PTPRK: variants seen among roughly 807,000 people sequenced by gnomAD.
PTPRK encodes receptor-type tyrosine-protein phosphatase kappa.
In PTPRK, 75 loss-of-function variants were observed where a neutral mutation model predicts 178.0. The ratio of observed to expected loss-of-function variants is 0.42; its 90% CI spans 0.35 to 0.51. PTPRK has a LOEUF of 0.51. Among genes scored for constraint, PTPRK ranks in the 20% least tolerant of loss-of-function variants. The pLI is 0.02. For missense variants in PTPRK, 1,441 were observed against 1,797.8 expected, an observed-to-expected ratio of 0.80 and a Z score of 3.59; for synonymous variants, 637 against 620.6, an observed-to-expected ratio of 1.03 and a Z score of -0.39.
chr6:128,441,748 T>C (rs961330681), intron 1 of PTPRK, among the ~76,000 whole-genome samples: 11 of 152,206 alleles, frequency 7.2e-5, no homozygotes, highest in Non-Finnish European at 1.2e-4. Context: ...TAAGACGATA[T>C]ATACAGAATG....
intron 25 of PTPRK, among the ~76,000 whole-genome samples, chr6:127,980,357 G>A (rs1775167373): frequency 6.6e-6 from 1 of 152,016 alleles, no homozygotes; most frequent in South Asian, 2.1e-4. Flanking sequence ...GGGTGTGGTA[G>A]AGCACGCTCC....
chr6:128,315,384 G>A (rs1007029611), intron 3 of PTPRK, among the ~76,000 whole-genome samples: 3 of 152,062 alleles, frequency 2.0e-5, no homozygotes, highest in African/African-American at 7.2e-5. Flanking sequence ...GGGCTGAGAA[G>A]AATGATTTTT....
chr6:128,463,270 T>G (rs548235981), intron 1 of PTPRK, among the ~76,000 whole-genome samples: 2 of 152,186 alleles, frequency 1.3e-5, no homozygotes, highest in African/African-American at 4.8e-5. Flanking sequence ...GTTTGTCCTA[T>G]ATTCTCTCTG....
chr6:128,341,733 AG>A (rs1409481436), intron 2 of PTPRK, among the ~76,000 whole-genome samples: 1 of 152,204 alleles, frequency 6.6e-6, no homozygotes, highest in Non-Finnish European at 1.5e-5. Context: ...TTCCTTTTCA[AG>A]TTGATTACCA....
At chr6:128,072,607 T>C (rs1403813439) in intron 11 of PTPRK, among the ~76,000 whole-genome samples, 1 of 152,056 alleles carries the variant, frequency 6.6e-6, no homozygotes, top group Non-Finnish European at 1.5e-5. Flanking sequence ...ATTACCACAT[T>C]CCTTACCTTA....
At chr6:128,481,211 C>T (rs1852027390) in intron 1 of PTPRK, among the ~76,000 whole-genome samples, 1 of 151,778 alleles carries the variant, frequency 6.6e-6, no homozygotes, top group African/African-American at 2.4e-5. Flanking sequence ...TTCATTCATA[C>T]ATAGTCTTTA....
intron 5 of PTPRK, among the ~76,000 whole-genome samples, chr6:128,228,796 T>C (rs1811831076): frequency 6.6e-6 from 1 of 152,152 alleles, no homozygotes; most frequent in South Asian, 2.1e-4. Context: ...GTGATACATA[T>C]TCTGGTAAGA....
At chr6:128,107,414 T>C (rs983681338) in intron 7 of PTPRK, among the ~76,000 whole-genome samples, 11 of 152,126 alleles carry the variant, frequency 7.2e-5, no homozygotes, top group Non-Finnish European at 1.6e-4. Flanking sequence ...GCATAATGTA[T>C]ACCAGGAATA....
At chr6:128,465,721 C>T (rs147634827) in intron 1 of PTPRK, among the ~76,000 whole-genome samples, 3 of 152,236 alleles carry the variant, frequency 2.0e-5, no homozygotes, top group African/African-American at 7.2e-5. Flanking sequence ...GAATGACAAG[C>T]TCTCTTGGGC....
Position 127,972,951 on chromosome 6 carries a change from C to A in PTPRK, c.4269+71G>T, listed in dbSNP as rs1774103512. On this transcript the variant is annotated intron_variant, in intron 29 of 29. Coordinates refer to ENST00000368226, the MANE Select transcript of PTPRK (RefSeq NM_002844.4). ...CTGATTCCCTATGTGTGTATGAAGT[C>A]AAATCAATAAGTAGGTATATGACTA... The A allele has an allele frequency of 8.0e-6, 12 of 1,492,522 alleles. No individual in the cohort carries two copies. The Admixed American group carries it at 1.7e-4, about 21-fold the overall frequency. 92.5% of individuals were successfully genotyped at this position (1,492,522 alleles called of 1,614,324 possible). A position where few individuals can be genotyped will look rare whatever the true frequency, so the allele number is the denominator to read the frequency against.
chr6:128,056,624 C>T (rs768979449), intron 13 of PTPRK, among the ~76,000 whole-genome samples: 47 of 152,054 alleles, frequency 3.1e-4, no homozygotes, highest in Non-Finnish European at 6.6e-4. Flanking sequence ...TGGGGTTTCG[C>T]TATGTTGGCC....
intron 7 of PTPRK, among the ~76,000 whole-genome samples, chr6:128,172,316 C>A (rs1452961561): frequency 1.3e-5 from 2 of 151,876 alleles, no homozygotes; most frequent in African/African-American, 4.8e-5. Context: ...TGCTGACCTA[C>A]TTTTTAGTTT....
intron 5 of PTPRK, among the ~76,000 whole-genome samples, chr6:128,233,986 T>G (rs1394829584): frequency 2.0e-5 from 3 of 152,220 alleles, no homozygotes; most frequent in Non-Finnish European, 2.9e-5. Context: ...AAGCATATGG[T>G]CTGACAGATG....
At chr6:128,046,246 C>G (rs1778013504) in intron 13 of PTPRK, among the ~76,000 whole-genome samples, 1 of 152,012 alleles carries the variant, frequency 6.6e-6, no homozygotes, top group Admixed American at 6.6e-5. Context: ...AAAAGAAAAA[C>G]CTTAAATCAG....
At chr6:128,037,160 G>A (rs1055759406) in intron 13 of PTPRK, among the ~76,000 whole-genome samples, 17 of 152,142 alleles carry the variant, frequency 1.1e-4, no homozygotes, top group African/African-American at 3.9e-4. Flanking sequence ...CTACATACTT[G>A]ATCTCCAGAC....
intron 17 of PTPRK, among the ~76,000 whole-genome samples, chr6:127,995,968 A>G (rs1370788646): frequency 6.6e-6 from 1 of 152,156 alleles, no homozygotes; most frequent in East Asian, 1.9e-4. Flanking sequence ...ACTCCCTGAG[A>G]ATCAAGGTTA....
At chr6:127,995,274 C>T in intron 18 of PTPRK, 188 bp downstream of exon 18, 2 of 1,606,822 alleles carry the variant, frequency 1.2e-6, no homozygotes, top group Middle Eastern at 1.7e-4. Context: ...AATCTACAGC[C>T]CAAACCAAAG....
At chr6:128,499,217 T>G (rs528025941) in intron 1 of PTPRK, among the ~76,000 whole-genome samples, 2 of 151,916 alleles carry the variant, frequency 1.3e-5, no homozygotes, top group South Asian at 4.1e-4. Flanking sequence ...AACAAAAGAC[T>G]GTGTAAAAAG....
At chr6:128,068,752 A>G (rs529128894) in intron 11 of PTPRK, among the ~76,000 whole-genome samples, 1 of 151,126 alleles carries the variant, frequency 6.6e-6, no homozygotes, top group South Asian at 2.1e-4. Flanking sequence ...TTTATACATT[A>G]TAAATATATT....
Sources: gnomAD v4.1 joint callset for allele counts (sites outside exome capture counted in the v4.1 genomes callset) on GRCh38, gnomAD v4.1.1 for gene constraint, MANE v1.5 for transcripts, NCBI Gene and HGNC (gene_info 2026-07-23, HGNC 2026-07-21) for gene names.